The following TMPRSS9 variants were observed in gnomAD, a reference collection of about 807,000 sequenced individuals.
The protein encoded by TMPRSS9 is transmembrane protease serine 9.
In TMPRSS9, 113 loss-of-function variants were observed where a neutral mutation model predicts 111.4. That is an observed-to-expected ratio of 1.01 (90% CI 0.87 to 1.19). The LOEUF (loss-of-function observed/expected upper bound fraction) is 1.19, where lower values mean the gene tolerates loss of function less well. Among genes scored for constraint, TMPRSS9 ranks in the 50% most tolerant of loss-of-function variants. TMPRSS9 has a pLI of 0.00. For missense variants in TMPRSS9, 1,803 were observed against 1,513.1 expected, an observed-to-expected ratio of 1.19 and a Z score of -3.18; for synonymous variants, 805 against 659.1, an observed-to-expected ratio of 1.22 and a Z score of -3.39.
chr19:2,384,643 G>A (rs775052982), intron 1 of TMPRSS9, among the ~76,000 whole-genome samples: 35 of 151,812 alleles, frequency 2.3e-4, no homozygotes, highest in Non-Finnish European at 4.0e-4. Flanking sequence ...GTGAAACCCC[G>A]TCTCTACTAA....
intron 1 of TMPRSS9, among the ~76,000 whole-genome samples, chr19:2,391,092 C>G (rs1013428172): frequency 9.4e-5 from 14 of 149,574 alleles, no homozygotes; most frequent in African/African-American, 3.5e-4. Context: ...AGGAAGATAG[C>G]TGAGCATGGT....
At chr19:2,383,232 T>C (rs1970407196) in intron 1 of TMPRSS9, among the ~76,000 whole-genome samples, 1 of 151,820 alleles carries the variant, frequency 6.6e-6, no homozygotes, top group African/African-American at 2.4e-5. Flanking sequence ...CAGGCACCTG[T>C]AATCCCAGCT....
chr19:2,392,010 G>A (rs1161313306), intron 1 of TMPRSS9, among the ~76,000 whole-genome samples: 5 of 151,888 alleles, frequency 3.3e-5, no homozygotes, highest in Non-Finnish European at 5.9e-5. Flanking sequence ...CGAAAGTGCT[G>A]GGATTACAGA....
chr19:2,400,265 G>T (rs1970803665), intron 4 of TMPRSS9, among the ~76,000 whole-genome samples: 1 of 152,248 alleles, frequency 6.6e-6, no homozygotes, highest in South Asian at 2.1e-4. Context: ...TGGAAGGCCG[G>T]GTGTGGTGGC....
chr19:2,423,910 C>G (rs1223205825), intron 14 of TMPRSS9, among the ~76,000 whole-genome samples, 179 bp from the exon 16 acceptor site: 1 of 152,148 alleles, frequency 6.6e-6, no homozygotes, highest in East Asian at 1.9e-4. Flanking sequence ...TTGAGAAAAG[C>G]CCAAAGACCA....
At chr19:2,414,225 C>A in intron 10 of TMPRSS9, 1 of 527,632 alleles carries the variant, frequency 1.9e-6, no homozygotes, top group South Asian at 3.7e-5. Flanking sequence ...TTAACTATGG[C>A]GATCTATCAA....
At chr19:2,422,673 G>A (rs1971494074) in intron 14 of TMPRSS9, among the ~76,000 whole-genome samples, 1 of 152,154 alleles carries the variant, frequency 6.6e-6, no homozygotes, top group Admixed American at 6.5e-5. Flanking sequence ...ATCGCCAGAG[G>A]TCAGGAGTTC....
At chr19:2,413,674 C>T in intron 9 of TMPRSS9, 26 bp from the exon 11 acceptor site, 3 of 1,584,344 alleles carry the variant, frequency 1.9e-6, no homozygotes, top group East Asian at 2.3e-5. Context: ...GCCGACCCAT[C>T]CTGAGGGTGT....
At chr19:2,390,082 G>T (rs1408432045) in intron 1 of TMPRSS9, among the ~76,000 whole-genome samples, 155 bp downstream of exon 2, 2 of 152,070 alleles carry the variant, frequency 1.3e-5, no homozygotes, top group East Asian at 3.9e-4. Flanking sequence ...GGGTGGGCGG[G>T]GAGTGGAGCA....
At chr19:2,398,749 C>A in intron 2 of TMPRSS9, 46 bp from the exon 4 acceptor site, 1 of 1,329,474 alleles carries the variant, frequency 7.5e-7, no homozygotes, top group Non-Finnish European at 9.9e-7. Flanking sequence ...TGCCAGGGTG[C>A]CCATGCTGTG....
At chr19:2,402,414 C>T (rs1970869744) in intron 5 of TMPRSS9, among the ~76,000 whole-genome samples, 1 of 150,588 alleles carries the variant, frequency 6.6e-6, no homozygotes, top group Admixed American at 6.6e-5. Context: ...TGCACTCCAG[C>T]CTGGGTGACA....
chr19:2,398,047 C>T (rs1368204935), intron 2 of TMPRSS9, among the ~76,000 whole-genome samples: 1 of 147,238 alleles, frequency 6.8e-6, no homozygotes, highest in African/African-American at 2.5e-5. Context: ...CCATGCCCAG[C>T]TAATTTGGGA....
At chr19:2,408,990 A>AAATAT (rs1555679497) in intron 8 of TMPRSS9, among the ~76,000 whole-genome samples, 4 of 125,008 alleles carry the variant, frequency 3.2e-5, no homozygotes, top group Admixed American at 8.5e-5. Context: ...CTCCATCTCA[A>AAATAT]AATAATAATA....
At chr19:2,420,265 CCT>C (rs966979951) in intron 13 of TMPRSS9, among the ~76,000 whole-genome samples, 3 of 152,000 alleles carry the variant, frequency 2.0e-5, no homozygotes, top group African/African-American at 7.2e-5. Context: ...ATGGCGAAAC[CCT>C]GTCTCTACTA....
At position 2,396,587 on chromosome 19, in the gene TMPRSS9, G is replaced by A. The variant is rs750216653; in HGVS notation, c.191G>A (p.Arg64Gln). The A allele has an allele frequency of 2.4e-5, 38 of 1,611,320 alleles. No individual in the cohort carries two copies. The highest frequency in any genetic ancestry group is 3.0e-5 in the Non-Finnish European group (35 of 1,179,086). ...CACGTGGACCACACGGCCGAGCTGC[G>A]GGGAATCCGGTGGACCAGCAGTTTG... is the stretch of plus-strand genomic sequence containing the variant. Residue 64 changes from arginine to glutamine, a missense_variant, in exon 2 of 18, where the codon CGG becomes CAG. Transcript: ENST00000648592.
Position 2,405,550 on chromosome 19 carries a change from GC to G in TMPRSS9, c.842+10del. 1 of 1,547,578 alleles carries G rather than the reference GC, an allele frequency of 6.5e-7. No homozygotes were observed. The highest frequency in any genetic ancestry group is 8.7e-7 in the Non-Finnish European group (1 of 1,149,426). On this transcript the variant is annotated splice_donor_region_variant and intron_variant, in intron 7 of 17. Transcript: ENST00000648592. ...TGCTGCTCACTGCTTCAATGAGTAA[GC>G]CCCCATCCCAAAGCACCAAACCCGA...
chr19:2,408,990 A>AAATAATAATAAAAT (rs1555679496), intron 8 of TMPRSS9, among the ~76,000 whole-genome samples: 1 of 125,008 alleles, frequency 8.0e-6, no homozygotes, highest in African/African-American at 3.2e-5. Context: ...CTCCATCTCA[A>AAATAATAATAAAAT]AATAATAATA....
Position 2,364,042 on chromosome 19 carries a change from C to T in TMPRSS9, c.-26+3682C>T, listed in dbSNP as rs541188536. On this transcript the variant is annotated intron_variant, in intron 1 of 17. Transcript: ENST00000649857. ...AGCACATCTCAGCCTCCCGGTAGTC[C>T]TGTAGACCCAGCACCTGTAGTCCCA... Among the ~76,000 whole-genome samples, 14 of 152,072 alleles carry T rather than the reference C, an allele frequency of 9.2e-5. No individual in the cohort carries two copies. The East Asian group carries it at 2.7e-3, about 29-fold the overall frequency.
intron 9 of TMPRSS9, among the ~76,000 whole-genome samples, chr19:2,412,712 T>C (rs1971122672): frequency 6.6e-6 from 1 of 152,150 alleles, no homozygotes; most frequent in African/African-American, 2.4e-5. Flanking sequence ...CAACCAGGGA[T>C]CTCTCCTGCC....
Sources: allele counts gnomAD v4.1 joint callset (sites outside exome capture counted in the v4.1 genomes callset), GRCh38; gene constraint gnomAD v4.1.1; transcripts MANE v1.5; gene names NCBI Gene and HGNC (gene_info 2026-07-23, HGNC 2026-07-21).